CDKL5: variants seen among roughly 807,000 people sequenced by gnomAD.
CDKL5 encodes cyclin-dependent kinase-like 5.
CDKL5 carries 8 observed loss-of-function variants against 61.7 expected under a neutral mutation model. The observed-to-expected ratio is 0.13, with a 90% confidence interval of 0.08 to 0.23. The LOEUF is 0.23. Ranked by LOEUF, CDKL5 falls within the 10% of genes least tolerant of loss-of-function variation. CDKL5 has a pLI of 1.00. For missense variants in CDKL5, 440 were observed against 734.5 expected, an observed-to-expected ratio of 0.60 and a Z score of 4.63; for synonymous variants, 275 against 272.3, an observed-to-expected ratio of 1.01 and a Z score of -0.10.
At chrX:18,478,584 C>A (rs201320988) in intron 1 of CDKL5, among the ~76,000 whole-genome samples, 2 of 109,786 alleles carry the variant, frequency 1.8e-5, no homozygotes, top group East Asian at 5.7e-4. Flanking sequence ...AGCCACCGTG[C>A]CTGGCCAATC....
At chrX:18,518,705 G>A (rs764836778) in intron 3 of CDKL5, among the ~76,000 whole-genome samples, 2 of 110,039 alleles carry the variant, frequency 1.8e-5, no homozygotes. Context: ...CAGCCCTAAA[G>A]TCATGTTTTC....
intron 21 of CDKL5, among the ~76,000 whole-genome samples, chrX:18,651,727 G>A: frequency 8.9e-6 from 1 of 111,915 alleles, no homozygotes; most frequent in Middle Eastern, 4.6e-3. Flanking sequence ...ATTACAATGG[G>A]GCACTCCGGC....
intron 12 of CDKL5, among the ~76,000 whole-genome samples, chrX:18,608,019 G>A (rs1177602260): frequency 3.6e-5 from 4 of 111,836 alleles, no homozygotes; most frequent in East Asian, 5.6e-4. Flanking sequence ...ACAGATATAC[G>A]ATGCAGCGAA....
At chrX:18,649,818 C>A (rs942188633) in intron 20 of CDKL5, among the ~76,000 whole-genome samples, 7 of 112,089 alleles carry the variant, frequency 6.2e-5, no homozygotes, top group Non-Finnish European at 9.4e-5. Flanking sequence ...ACCCGCGACA[C>A]CCCTCCAGCT....
At chrX:18,489,813 G>T (rs1272321847) in intron 1 of CDKL5, among the ~76,000 whole-genome samples, 1 of 110,301 alleles carries the variant, frequency 9.1e-6, no homozygotes. Context: ...CACTTTGGGA[G>T]GCTGAGGCGG....
chrX:18,433,565 T>A (rs1284401654), intron 1 of CDKL5, among the ~76,000 whole-genome samples: 2 of 112,017 alleles, frequency 1.8e-5, no homozygotes, highest in African/African-American at 3.2e-5. Flanking sequence ...AAAAAAAAAA[T>A]TTTCACACAC....
chrX:18,609,693 T>A (rs1926483182), intron 14 of CDKL5, 123 bp downstream of exon 14: 9 of 1,098,302 alleles, frequency 8.2e-6, no homozygotes, highest in Non-Finnish European at 1.1e-5. Flanking sequence ...CCAGCGGTTC[T>A]CCCTGCCTCT....
Position 18,506,428 on chromosome X carries a change from T to G in CDKL5, c.-162-507T>G, listed in dbSNP as rs778283343. Among the ~76,000 whole-genome samples, 4 of 111,995 alleles carry G rather than the reference T, an allele frequency of 3.6e-5. 1 individual carries two copies. In the South Asian group the frequency reaches 1.5e-3, roughly 42 times the overall value. On this transcript the variant is annotated intron_variant, in intron 1 of 17. Coordinates refer to ENST00000623535, the MANE Select transcript of CDKL5 (RefSeq NM_001323289.2). ...GTCTATACTCCTATATATTAAAAAC[T>G]GAGCTTATATTGTTAACTCCAACTC...
At chrX:18,441,776 G>C (rs1429657613) in intron 1 of CDKL5, among the ~76,000 whole-genome samples, 2 of 111,434 alleles carry the variant, frequency 1.8e-5, no homozygotes, top group African/African-American at 3.3e-5. Context: ...GCTTTAGTGA[G>C]GGTCTCTTTA....
At chrX:18,578,945 A>C (rs1328901924) in intron 5 of CDKL5, among the ~76,000 whole-genome samples, 1 of 112,343 alleles carries the variant, frequency 8.9e-6, no homozygotes, top group Non-Finnish European at 1.9e-5. Context: ...ATTCATGCTG[A>C]GGTGCCAGCA....
chrX:18,490,228 G>A (rs1173793258), intron 1 of CDKL5, among the ~76,000 whole-genome samples: 1 of 111,106 alleles, frequency 9.0e-6, no homozygotes, highest in Non-Finnish European at 1.9e-5. Flanking sequence ...AGTTCTGTGA[G>A]TCACGCTAGC....
chrX:18,644,009 A>T (rs1927676739), downstream of CDKL5, among the ~76,000 whole-genome samples: 1 of 111,007 alleles, frequency 9.0e-6, no homozygotes, highest in Non-Finnish European at 1.9e-5. Context: ...CTAGGTTCTC[A>T]AAAGGCTCCC....
intron 1 of CDKL5, among the ~76,000 whole-genome samples, chrX:18,499,060 T>G (rs1569196274): frequency 1.8e-5 from 2 of 112,091 alleles, no homozygotes; most frequent in East Asian, 2.8e-4. Flanking sequence ...CCCGAGCCAC[T>G]GTGCCCGGCC....
intron 2 of CDKL5, among the ~76,000 whole-genome samples, chrX:18,507,923 G>A (rs770027304): frequency 9.0e-6 from 1 of 111,164 alleles, no homozygotes; most frequent in Non-Finnish European, 1.9e-5. Context: ...AGTTTAATTG[G>A]CAGCATTCTC....
intron 1 of CDKL5, among the ~76,000 whole-genome samples, chrX:18,466,278 A>C (rs1020475230): frequency 8.9e-6 from 1 of 111,869 alleles, no homozygotes; most frequent in Non-Finnish European, 1.9e-5. Context: ...TTAAACCCAA[A>C]TCTCAAAGGT....
intron 9 of CDKL5, among the ~76,000 whole-genome samples, chrX:18,591,540 C>T (rs962814638): frequency 1.1e-4 from 12 of 111,254 alleles, no homozygotes; most frequent in African/African-American, 3.6e-4. Flanking sequence ...ATTTCTCAAA[C>T]CACACAATTC....
chrX:18,432,408 A>AT (rs1330860806), intron 1 of CDKL5, among the ~76,000 whole-genome samples: 1 of 108,189 alleles, frequency 9.2e-6, no homozygotes, highest in East Asian at 3.0e-4. Context: ...CACCTGGCTA[A>AT]TTTTTGTATT....
chrX:18,460,501 A>T (rs776325291), intron 1 of CDKL5, among the ~76,000 whole-genome samples: 1 of 110,220 alleles, frequency 9.1e-6, no homozygotes, highest in East Asian at 2.9e-4. Flanking sequence ...TTTATTTATT[A>T]TTTATTTATT....
chrX:18,448,666 A>G (rs753356366), intron 1 of CDKL5, among the ~76,000 whole-genome samples: 6 of 111,403 alleles, frequency 5.4e-5, no homozygotes, highest in Non-Finnish European at 9.4e-5. Context: ...TATTTCAGAG[A>G]GCCAGGGCTT....
Sources: allele counts gnomAD v4.1 joint callset (sites outside exome capture counted in the v4.1 genomes callset), GRCh38; gene constraint gnomAD v4.1.1; transcripts MANE v1.5; gene names NCBI Gene and HGNC (gene_info 2026-07-23, HGNC 2026-07-21).